KLF13: variants seen among roughly 807,000 people sequenced by gnomAD.
The protein encoded by KLF13 is Krueppel-like factor 13.
Under a neutral mutation model 16.7 loss-of-function variants are expected in KLF13, and 8 were observed. The observed-to-expected ratio is 0.48, with a 90% confidence interval of 0.28 to 0.87. The LOEUF (loss-of-function observed/expected upper bound fraction) is 0.87, where lower values mean the gene tolerates loss of function less well. KLF13 is among the 40% of genes least tolerant of loss of function. The pLI is 0.10. For missense variants in KLF13, 447 were observed against 452.2 expected (o/e 0.99, Z 0.10); for synonymous variants, 245 against 208.4 (o/e 1.18, Z -1.51).
chr15:31,327,938 C>T (rs557608609), intron 1 of KLF13, 149 bp downstream of exon 1: 598 of 961,078 alleles, frequency 6.2e-4, no homozygotes, highest in Admixed American at 1.0e-3. Context: ...GCCGCTCCGA[C>T]CCGCGGCTGG....
intron 2 of KLF13, among the ~76,000 whole-genome samples, chr15:31,399,616 A>G (rs2040005728): frequency 6.6e-6 from 1 of 152,200 alleles, no homozygotes; most frequent in South Asian, 2.1e-4. Flanking sequence ...ATGAGGTCCA[A>G]GGGTGCTGAA....
At chr15:31,418,303 C>A (rs1401910310) in intron 1 of KLF13, among the ~76,000 whole-genome samples, 1 of 151,784 alleles carries the variant, frequency 6.6e-6, no homozygotes, top group African/African-American at 2.4e-5. Flanking sequence ...ATTAGGAAAA[C>A]AAAATATCCA....
intron 1 of KLF13, among the ~76,000 whole-genome samples, chr15:31,338,382 C>T (rs2038965954): frequency 6.6e-6 from 1 of 152,172 alleles, no homozygotes; most frequent in Non-Finnish European, 1.5e-5. Context: ...TGCGCATGCA[C>T]ACGTGGTCAG....
chr15:31,412,521 A>T (rs2040207600), intron 1 of KLF13, among the ~76,000 whole-genome samples: 1 of 152,248 alleles, frequency 6.6e-6, no homozygotes, highest in African/African-American at 2.4e-5. Context: ...TAGCTAGGAT[A>T]CAAGGATACA....
chr15:31,411,400 CTT>C (rs140755995), intron 1 of KLF13, among the ~76,000 whole-genome samples: 8 of 138,114 alleles, frequency 5.8e-5, no homozygotes, highest in Non-Finnish European at 6.2e-5. Context: ...TTTTTTTTTT[CTT>C]TTTTTTTTTT....
chr15:31,381,062 C>T (rs941303780), downstream of KLF13, among the ~76,000 whole-genome samples: 3 of 151,390 alleles, frequency 2.0e-5, no homozygotes, highest in African/African-American at 7.3e-5. Context: ...ATCCCAGCTA[C>T]TCGGGAGGCT....
chr15:31,363,636 G>A lies in KLF13; in HGVS notation c.578-8374G>A, dbSNP rs540292739. Among the ~76,000 whole-genome samples the A allele has an allele frequency of 1.0e-3, 158 of 152,250 alleles. 1 individual carries two copies. Among genetic ancestry groups the A allele is most frequent in the African/African-American group, 3.7e-3 (154 of 41,542 alleles). On this transcript the variant is annotated intron_variant, in intron 1 of 1. Coordinates refer to ENST00000307145, the MANE Select transcript of KLF13 (RefSeq NM_015995.4). The stretch of plus-strand genomic sequence containing the variant: ...TGAGTAGCTGGGATTACAGGCGCTC[G>A]CCACCACGCCCGGCTGATTTTGTAT...
At chr15:31,352,548 G>A (rs1268989730) in intron 1 of KLF13, among the ~76,000 whole-genome samples, 1 of 152,180 alleles carries the variant, frequency 6.6e-6, no homozygotes, top group Non-Finnish European at 1.5e-5. Flanking sequence ...GGTGCCACTT[G>A]GTGTGCCTCT....
chr15:31,364,753 C>T (rs2039440198), intron 1 of KLF13, among the ~76,000 whole-genome samples: 1 of 152,264 alleles, frequency 6.6e-6, no homozygotes, highest in African/African-American at 2.4e-5. Flanking sequence ...CCTCCTGGGC[C>T]TCACTTCCCT....
chr15:31,405,198 CA>C (rs1403252133), downstream of KLF13, among the ~76,000 whole-genome samples: 1 of 152,150 alleles, frequency 6.6e-6, no homozygotes, highest in African/African-American at 2.4e-5. Flanking sequence ...CCTGTAATTC[CA>C]GCTACTCTGG....
chr15:31,382,478 A>G (rs1046827336), downstream of KLF13, among the ~76,000 whole-genome samples: 7 of 152,164 alleles, frequency 4.6e-5, no homozygotes, highest in African/African-American at 1.7e-4. Flanking sequence ...AAAGGCTTCT[A>G]ACCTGTCTAG....
chr15:31,394,054 C>T (rs1024130928), intron 2 of KLF13, among the ~76,000 whole-genome samples: 9 of 152,138 alleles, frequency 5.9e-5, no homozygotes, highest in African/African-American at 2.2e-4. Flanking sequence ...GCTAACATCT[C>T]CACAGAGAAG....
intron 1 of KLF13, among the ~76,000 whole-genome samples, chr15:31,359,410 G>T (rs1291340295): frequency 1.3e-5 from 2 of 152,240 alleles, no homozygotes; most frequent in African/African-American, 4.8e-5. Flanking sequence ...TTTCCAGGCA[G>T]TGTACTGGTT....
At chr15:31,368,762 G>C (rs1417941463) in intron 1 of KLF13, among the ~76,000 whole-genome samples, 1 of 152,160 alleles carries the variant, frequency 6.6e-6, no homozygotes, top group Non-Finnish European at 1.5e-5. Flanking sequence ...TGAGGCAGAA[G>C]AATCACTTGA....
At chr15:31,366,565 G>A (rs1595476167) in intron 1 of KLF13, 1 of 152,420 alleles carries the variant, frequency 6.6e-6, no homozygotes, top group East Asian at 1.9e-4. Flanking sequence ...GTGAGTCCCT[G>A]TCTTGCTGTT....
At chr15:31,354,474 G>A (rs1190878434) in intron 1 of KLF13, among the ~76,000 whole-genome samples, 4 of 152,150 alleles carry the variant, frequency 2.6e-5, no homozygotes, top group African/African-American at 7.2e-5. Flanking sequence ...TCTGCCTCCC[G>A]CGTTCAAGCA....
At chr15:31,382,686 G>C (rs990145144), downstream of KLF13, among the ~76,000 whole-genome samples, 2 of 152,168 alleles carry the variant, frequency 1.3e-5, no homozygotes, top group African/African-American at 2.4e-5. Flanking sequence ...CTGCCCTCAG[G>C]GGGGCCCAGT....
At chr15:31,382,353 C>A (rs772066400), downstream of KLF13, among the ~76,000 whole-genome samples, 1 of 152,124 alleles carries the variant, frequency 6.6e-6, no homozygotes, top group East Asian at 1.9e-4. Context: ...GCAGAGGGTA[C>A]GAGGCTCAGA....
chr15:31,406,870 G>A (rs2040135777), downstream of KLF13, among the ~76,000 whole-genome samples: 1 of 152,142 alleles, frequency 6.6e-6, no homozygotes, highest in Non-Finnish European at 1.5e-5. Flanking sequence ...TGCTTCTGCT[G>A]TCACATCATC....
Sources: gnomAD v4.1 joint callset for allele counts (sites outside exome capture counted in the v4.1 genomes callset) on GRCh38, gnomAD v4.1.1 for gene constraint, MANE v1.5 for transcripts, NCBI Gene and HGNC (gene_info 2026-07-23, HGNC 2026-07-21) for gene names.